Variants in ZNF277 observed in about 807,000 individuals in gnomAD.
ZNF277 encodes the protein zinc finger protein 277, also known as nuclear receptor-interacting factor 4.
A neutral mutation model predicts 60.7 loss-of-function variants in ZNF277; 55 were observed. The observed-to-expected ratio is 0.91, with a 90% CI of 0.73 to 1.13. ZNF277 has a LOEUF of 1.13. ZNF277 is among the 50% of genes most tolerant of loss of function. The probability of loss-of-function intolerance (pLI) is 0.00; values close to 1 mark genes in which losing one functional copy is unlikely to be tolerated. For missense variants in ZNF277, 510 were observed against 523.0 expected (o/e 0.98, Z 0.24); for synonymous variants, 178 against 179.3 (o/e 0.99, Z 0.06).
chr7:112,280,105 G>C (rs977762901), intron 1 of ZNF277, among the ~76,000 whole-genome samples: 1 of 152,140 alleles, frequency 6.6e-6, no homozygotes, highest in Non-Finnish European at 1.5e-5. Flanking sequence ...AGCAGCGTGT[G>C]GGAGGCTTAG....
intron 1 of ZNF277, among the ~76,000 whole-genome samples, chr7:112,241,246 G>C (rs757469541): frequency 6.6e-6 from 1 of 151,944 alleles, no homozygotes; most frequent in African/African-American, 2.4e-5. Flanking sequence ...TGCTGAACCA[G>C]GTATATGAAA....
chr7:112,258,724 T>C (rs1288131928), intron 1 of ZNF277, among the ~76,000 whole-genome samples: 1 of 152,192 alleles, frequency 6.6e-6, no homozygotes, highest in Non-Finnish European at 1.5e-5. Context: ...TTTAAAATAA[T>C]CTTATCTATG....
intron 7 of ZNF277, among the ~76,000 whole-genome samples, chr7:112,333,403 G>A (rs138089390): frequency 1.2e-3 from 181 of 152,294 alleles, no homozygotes; most frequent in African/African-American, 4.1e-3. Flanking sequence ...AGTCAGTATG[G>A]AAAACCACCA....
chr7:112,337,871 G>A (rs752594990), intron 9 of ZNF277, 45 bp downstream of exon 9: 71 of 1,511,946 alleles, frequency 4.7e-5, no homozygotes, highest in Non-Finnish European at 6.3e-5. Context: ...TTCTGACAGG[G>A]GAAAGCTAGT....
At chr7:112,243,209 C>A (rs1791001108) in intron 1 of ZNF277, among the ~76,000 whole-genome samples, 1 of 151,854 alleles carries the variant, frequency 6.6e-6, no homozygotes, top group South Asian at 2.1e-4. Flanking sequence ...AATGTAAGAA[C>A]CTGAAACTAC....
intron 4 of ZNF277, among the ~76,000 whole-genome samples, chr7:112,304,116 G>A (rs775959591): frequency 7.2e-5 from 11 of 152,022 alleles, no homozygotes; most frequent in Non-Finnish European, 1.5e-4. Context: ...AGATTCTAAT[G>A]TCACAAGGTT....
intron 2 of ZNF277, among the ~76,000 whole-genome samples, chr7:112,289,878 A>G (rs1584381752): frequency 6.7e-6 from 1 of 149,508 alleles, no homozygotes; most frequent in Admixed American, 6.7e-5. Context: ...GGCATGCACC[A>G]CTACGCCTGG....
At chr7:112,245,869 A>G (rs1208154005) in intron 1 of ZNF277, among the ~76,000 whole-genome samples, 5 of 152,130 alleles carry the variant, frequency 3.3e-5, no homozygotes, top group South Asian at 2.1e-4. Flanking sequence ...GGGACATCCT[A>G]TCTTTTTACG....
intron 4 of ZNF277, among the ~76,000 whole-genome samples, chr7:112,317,212 A>G (rs1792864811): frequency 6.6e-6 from 1 of 152,132 alleles, no homozygotes; most frequent in African/African-American, 2.4e-5. Context: ...TGATGGGTTG[A>G]TGGGTACAGC....
intron 1 of ZNF277, among the ~76,000 whole-genome samples, chr7:112,242,055 T>A (rs1790966286): frequency 6.6e-6 from 1 of 152,094 alleles, no homozygotes; most frequent in Non-Finnish European, 1.5e-5. Flanking sequence ...ATATCCCATT[T>A]CCTCTAATGT....
intron 1 of ZNF277, among the ~76,000 whole-genome samples, chr7:112,208,083 A>T (rs1428841811): frequency 8.5e-5 from 13 of 152,200 alleles, no homozygotes; most frequent in Non-Finnish European, 4.4e-5. Flanking sequence ...AGTCTAACTT[A>T]TTTTAAAAAA....
chr7:112,219,215 G>A (rs1237968534), intron 1 of ZNF277, among the ~76,000 whole-genome samples: 1 of 152,108 alleles, frequency 6.6e-6, no homozygotes, highest in African/African-American at 2.4e-5. Flanking sequence ...TAGTGATGTT[G>A]AGCATTTCTT....
In ZNF277 at chr7:112,337,044, G is replaced by A. The variant is rs1793348424; in HGVS notation, c.870-686G>A. Among the ~76,000 whole-genome samples the A allele has an allele frequency of 2.0e-5, 3 of 152,160 alleles. No individual in the cohort carries two copies. In the South Asian group the frequency reaches 6.2e-4, roughly 32 times the overall value. On this transcript the variant is annotated intron_variant, in intron 8 of 11. Transcript: ENST00000361822. ...GAGTCTTATCAGTGATCATTTCTGA[G>A]CTTGCCATGAAAAATTCTCTCATCT...
At chr7:112,270,374 T>C (rs377491689) in intron 1 of ZNF277, among the ~76,000 whole-genome samples, 20 of 152,286 alleles carry the variant, frequency 1.3e-4, no homozygotes, top group African/African-American at 3.8e-4. Context: ...CTTGGCTTTC[T>C]TGAAAATGTC....
intron 1 of ZNF277, among the ~76,000 whole-genome samples, chr7:112,268,267 A>AACAC (rs137892891): frequency 1.3e-5 from 2 of 150,556 alleles, no homozygotes; most frequent in South Asian, 4.2e-4. Context: ...CGCACACACA[A>AACAC]ACACACACAC....
chr7:112,215,880 T>G (rs919546758), intron 1 of ZNF277, among the ~76,000 whole-genome samples: 3 of 152,228 alleles, frequency 2.0e-5, no homozygotes, highest in Non-Finnish European at 4.4e-5. Context: ...AACACAGTCT[T>G]CTGTTATGTA....
chr7:112,270,800 T>C (rs1272028277), intron 1 of ZNF277, among the ~76,000 whole-genome samples: 1 of 152,130 alleles, frequency 6.6e-6, no homozygotes, highest in Non-Finnish European at 1.5e-5. Flanking sequence ...TACTAACTTA[T>C]AAAGTTATAA....
At chr7:112,283,560 G>A (rs762192408) in intron 1 of ZNF277, among the ~76,000 whole-genome samples, 1 of 152,060 alleles carries the variant, frequency 6.6e-6, no homozygotes, top group East Asian at 1.9e-4. Context: ...TTAATACCTC[G>A]CAAACCACAA....
chr7:112,330,055 G>C (rs1442902544), intron 6 of ZNF277, 29 bp from the exon 7 acceptor site: 1 of 1,594,554 alleles, frequency 6.3e-7, no homozygotes, highest in African/African-American at 1.4e-5. Context: ...CAAGAGACTT[G>C]TTTATCAGTG....
Sources: allele counts gnomAD v4.1 joint callset (sites outside exome capture counted in the v4.1 genomes callset), GRCh38; gene constraint gnomAD v4.1.1; transcripts MANE v1.5; gene names NCBI Gene and HGNC (gene_info 2026-07-23, HGNC 2026-07-21).